Variants in CNTN3 observed in about 807,000 individuals in gnomAD.
The protein encoded by CNTN3 is contactin-3.
In CNTN3, 60 loss-of-function variants were observed where a neutral mutation model predicts 119.1. The ratio of observed to expected loss-of-function variants is 0.50; its 90% CI spans 0.41 to 0.62. The LOEUF is 0.62. CNTN3 is among the 20% of genes least tolerant of loss of function. CNTN3 has a pLI of 0.00. For synonymous variants in CNTN3, 450 were observed against 438.7 expected (o/e 1.03, Z -0.32); for missense variants, 1,101 against 1,242.4 (o/e 0.89, Z 1.71).
intron 20 of CNTN3, among the ~76,000 whole-genome samples, chr3:74,267,900 G>C (rs1420025511): frequency 6.6e-6 from 1 of 152,130 alleles, no homozygotes; most frequent in African/African-American, 2.4e-5. Flanking sequence ...GTGAAATGAA[G>C]TGTATATGAT....
At chr3:74,558,515 A>C (rs1704103994) in intron 1 of CNTN3, among the ~76,000 whole-genome samples, 1 of 152,202 alleles carries the variant, frequency 6.6e-6, no homozygotes, top group African/African-American at 2.4e-5. Flanking sequence ...ACAGACATAT[A>C]TAATTTTAAG....
chr3:74,453,938 G>A (rs1559610984), intron 4 of CNTN3, among the ~76,000 whole-genome samples: 1 of 151,936 alleles, frequency 6.6e-6, no homozygotes, highest in Admixed American at 6.6e-5. Context: ...CAAATATGTG[G>A]TCAATTTTGG....
chr3:74,539,813 C>T lies in CNTN3; in HGVS notation c.-80-18621G>A, dbSNP rs746171218. ...AGGAGGAAAAAAGAATGTGCAGTTA[C>T]AATGAAAAGACCCTTAATACAGTCC... On this transcript the variant is annotated intron_variant, in intron 1 of 22. Transcript: ENST00000263665. Among the ~76,000 whole-genome samples, 22 of 152,106 alleles carry T rather than the reference C, an allele frequency of 1.4e-4. No individual in the cohort carries two copies. The South Asian group carries it at 1.4e-3, about 10-fold the overall frequency.
At chr3:74,329,112 A>G (rs1318590275) in intron 13 of CNTN3, among the ~76,000 whole-genome samples, 1 of 152,206 alleles carries the variant, frequency 6.6e-6, no homozygotes, top group African/African-American at 2.4e-5. Flanking sequence ...TATGAAATAA[A>G]TCAAGTCAAA....
intron 1 of CNTN3, among the ~76,000 whole-genome samples, chr3:74,542,981 G>T (rs1703862564): frequency 6.6e-6 from 1 of 152,016 alleles, no homozygotes; most frequent in Non-Finnish European, 1.5e-5. Flanking sequence ...AAATTAGCCA[G>T]GCATGGTGGC....
At chr3:74,590,153 A>C (rs1274151757) in intron 1 of CNTN3, among the ~76,000 whole-genome samples, 1 of 150,866 alleles carries the variant, frequency 6.6e-6, no homozygotes, top group Non-Finnish European at 1.5e-5. Context: ...TAAACCAAAA[A>C]CTCCAGGACC....
At chr3:74,271,988 G>A (rs1156864544) in intron 20 of CNTN3, among the ~76,000 whole-genome samples, 5 of 152,050 alleles carry the variant, frequency 3.3e-5, no homozygotes, top group Admixed American at 6.6e-5. Context: ...TTTGGTTTTC[G>A]ACGTCTAGGA....
intron 1 of CNTN3, among the ~76,000 whole-genome samples, chr3:74,566,167 T>C (rs1294626921): frequency 1.3e-5 from 2 of 152,160 alleles, no homozygotes; most frequent in African/African-American, 4.8e-5. Context: ...ACAGTTGTCC[T>C]GGCAGGAACG....
intron 1 of CNTN3, among the ~76,000 whole-genome samples, chr3:74,575,606 A>ACACACACAC (rs60119036): frequency 1.5e-5 from 2 of 135,096 alleles, no homozygotes; most frequent in Non-Finnish European, 3.1e-5. Flanking sequence ...AGTCTCTCCC[A>ACACACACAC]ACACACACAC....
chr3:74,503,581 T>A lies in CNTN3; in HGVS notation c.56-3796A>T, dbSNP rs535491347. Among the ~76,000 whole-genome samples the A allele has an allele frequency of 1.7e-4, 26 of 152,266 alleles. No homozygotes were observed. The South Asian group carries it at 2.7e-3, about 16-fold the overall frequency. ...TAAAAGGAAGAGATTCTGAAGTCTC[T>A]GCTAATCTAAAAGAAATTATCCAAC... On this transcript the variant is annotated intron_variant, in intron 2 of 22. Transcript: ENST00000263665.
At chr3:74,338,062 A>G (rs1703438110) in intron 11 of CNTN3, among the ~76,000 whole-genome samples, 1 of 152,146 alleles carries the variant, frequency 6.6e-6, no homozygotes. Context: ...AATGCATTTA[A>G]CACTTGAGTG....
intron 7 of CNTN3, 68 bp downstream of exon 7, chr3:74,369,821 A>G: frequency 4.6e-6 from 4 of 879,104 alleles, no homozygotes; most frequent in Non-Finnish European, 7.2e-6. Flanking sequence ...GAGTCTCTCA[A>G]AAACCATCCT....
rs80232523 is a variant in CNTN3 at position 74,446,321 on chromosome 3, C to CATTT, written c.359-21382_359-21381insAAAT. Among the ~76,000 whole-genome samples the CATTT allele has an allele frequency of 2.5e-3, 382 of 152,046 alleles. 14 individuals carry two copies. The East Asian group carries it at 0.06, about 24-fold the overall frequency. Reference sequence around the variant, plus strand: ...AGTGACTTGCATGCATTAATTGTGGCAGAAAAAAGAGATGCATTTAGATAT... The same window carrying CATTT: ...AGTGACTTGCATGCATTAATTGTGGCATTTAGAAAAAAGAGATGCATTTAGATAT... On this transcript the variant is annotated intron_variant, in intron 4 of 22. Transcript: ENST00000263665.
chr3:74,408,013 G>A (rs941837716), intron 5 of CNTN3, among the ~76,000 whole-genome samples: 2 of 152,110 alleles, frequency 1.3e-5, no homozygotes, highest in African/African-American at 4.8e-5. Context: ...ACCTTTCTTT[G>A]ACCTGATGTT....
At chr3:74,358,923 C>T (rs974455744) in intron 11 of CNTN3, among the ~76,000 whole-genome samples, 22 of 151,846 alleles carry the variant, frequency 1.4e-4, no homozygotes, top group African/African-American at 5.3e-4. Context: ...ATCCATGTCC[C>T]TACAGAGGAC....
At chr3:74,299,818 T>C in intron 17 of CNTN3, 50 bp downstream of exon 17, 1 of 1,483,252 alleles carries the variant, frequency 6.7e-7, no homozygotes, top group Non-Finnish European at 9.3e-7. Flanking sequence ...GCCATAATGA[T>C]CATGGGAACA....
At chr3:74,585,124 T>G (rs1704573135) in intron 1 of CNTN3, among the ~76,000 whole-genome samples, 1 of 152,184 alleles carries the variant, frequency 6.6e-6, no homozygotes, top group Non-Finnish European at 1.5e-5. Flanking sequence ...AAGTGGCATA[T>G]CTACGTTTAA....
At chr3:74,607,113 G>A (rs900921595) in intron 1 of CNTN3, among the ~76,000 whole-genome samples, 5 of 152,092 alleles carry the variant, frequency 3.3e-5, no homozygotes, top group Non-Finnish European at 5.9e-5. Context: ...AACCTGCCTC[G>A]TATATGCAAA....
At chr3:74,401,269 C>T (rs1311009359) in intron 5 of CNTN3, among the ~76,000 whole-genome samples, 5 of 151,982 alleles carry the variant, frequency 3.3e-5, no homozygotes, top group African/African-American at 4.8e-5. Context: ...ATTTTTTAAC[C>T]AAGATTTTTA....
Sources: gnomAD v4.1 joint callset for allele counts (sites outside exome capture counted in the v4.1 genomes callset) on GRCh38, gnomAD v4.1.1 for gene constraint, MANE v1.5 for transcripts, NCBI Gene and HGNC (gene_info 2026-07-23, HGNC 2026-07-21) for gene names.